KMT2B: variants seen among roughly 807,000 people sequenced by gnomAD.
KMT2B encodes the protein histone-lysine N-methyltransferase 2B.
KMT2B carries 22 observed loss-of-function variants against 255.3 expected under a neutral mutation model. The observed-to-expected ratio is 0.09, with a 90% CI of 0.06 to 0.12. KMT2B has a LOEUF of 0.12. KMT2B is among the 10% of genes least tolerant of loss of function. The pLI is 1.00. For missense variants in KMT2B, 3,149 were observed against 3,737.0 expected, an observed-to-expected ratio of 0.84 and a Z score of 4.10; for synonymous variants, 1,730 against 1,498.1, an observed-to-expected ratio of 1.15 and a Z score of -3.57.
chr19:35,733,297 C>T lies in KMT2B; in HGVS notation c.6748C>T (p.Arg2250Cys), dbSNP rs1351767688. The T allele has an allele frequency of 7.6e-6, 11 of 1,452,876 alleles. No homozygotes were observed. Among genetic ancestry groups the T allele is most frequent in the Admixed American group, 2.0e-5 (1 of 50,464 alleles). The allele number at this position is 1,452,876 out of a possible 1,614,324, so 90.0% of individuals were successfully genotyped here. A position where few individuals can be genotyped will look rare whatever the true frequency, so the allele number is the denominator to read the frequency against. The change falls in exon 28 of 37, where the codon CGC becomes TGC. Residue 2250 changes from arginine (R) to cysteine (C), a missense_variant. Arg to Cys is a radical substitution (Grantham distance 180). Transcript: ENST00000420124. This position sits in a 1 kb window ranked among gnomAD's most constrained non-coding sequence, Gnocchi z 4.3. ...LGVLPVVGVV[R>C]PAPPPPPPPL... ...CGTGCTGCCCGTGGTCGGAGTGGTC[C>T]GCCCTGCCCCGCCCCCGCCACCCCC...
In KMT2B at chr19:35,731,278, C is replaced by G. The variant is rs373239075; in HGVS notation, c.5437+411C>G. Among the ~76,000 whole-genome samples, 11 of 152,358 alleles carry G rather than the reference C, an allele frequency of 7.2e-5. 1 individual carries two copies. The highest frequency in any genetic ancestry group is 2.6e-4 in the African/African-American group (11 of 41,586). On this transcript the variant is annotated intron_variant, in intron 26 of 36. Coordinates refer to ENST00000420124, the MANE Select transcript of KMT2B (RefSeq NM_014727.3). ...TCTGCTCAGCTCCCAAACCGGCCCC[C>G]TTACAGCCACACTGGCTGTGGGATG...
chr19:35,723,167 A>T lies in KMT2B; in HGVS notation c.2895A>T (p.Arg965=), dbSNP rs1969290171. ...ACGGCAAGAAGATGCGCATGGCTCG[A>T]TGTGGACACTGTCGGGGCTGCCTAC... The part of the protein sequence containing the change: ...SHHGKKMRMA[R]CGHCRGCLRV... The change falls in exon 6 of 37, where the codon CGA becomes CGT. Residue 965 remains arginine, a synonymous_variant. Coordinates refer to ENST00000420124, the MANE Select transcript of KMT2B (RefSeq NM_014727.3). The surrounding 1 kb of genome is among the most constrained non-coding windows in gnomAD (Gnocchi z 7.5). The T allele has an allele frequency of 2.5e-6, 4 of 1,613,470 alleles. No individual in the cohort carries two copies. The highest frequency in any genetic ancestry group is 2.5e-6 in the Non-Finnish European group (3 of 1,179,874).
In KMT2B at chr19:35,725,365, A is replaced by G. The variant is rs1434896466; in HGVS notation, c.3642+32A>G. 1.2e-5 allele frequency: 18 copies of G among 1,560,470 alleles called. No homozygotes were observed. Among genetic ancestry groups the G allele is most frequent in the Non-Finnish European group, 1.5e-5 (17 of 1,152,452 alleles). On this transcript the variant is annotated intron_variant, in intron 11 of 36. Coordinates refer to ENST00000420124, the MANE Select transcript of KMT2B (RefSeq NM_014727.3). This position sits in a 1 kb window ranked among gnomAD's most constrained non-coding sequence, Gnocchi z 4.1. Reference sequence around the variant, plus strand: ...TCTCTGCCTTTCTTCACAGACCCCCAGCTCTCTGTCGGTCCTCACGGCCTG... The same window carrying G: ...TCTCTGCCTTTCTTCACAGACCCCCGGCTCTCTGTCGGTCCTCACGGCCTG...
chr19:35,722,179 A>G (rs570002164), intron 3 of KMT2B, among the ~76,000 whole-genome samples, 180 bp from the exon 4 acceptor site: 77 of 151,546 alleles, frequency 5.1e-4, no homozygotes, highest in Non-Finnish European at 4.1e-4. Flanking sequence ...TAATTTTTGT[A>G]TTTTTAGTAG....
In KMT2B at chr19:35,727,006, C is replaced by T. The variant is rs1969481085; in HGVS notation, c.4004-150C>T. On this transcript the variant is annotated intron_variant, in intron 14 of 36. Coordinates refer to ENST00000420124, the MANE Select transcript of KMT2B (RefSeq NM_014727.3). The surrounding 1 kb of genome is among the most constrained non-coding windows in gnomAD (Gnocchi z 4.2). ...CTCAAAAAAAAAAAAAAAAAAAAAG[C>T]CTCATCCTCAAGGAGCTTTTAGGGA... The T allele has an allele frequency of 6.7e-6, 3 of 450,060 alleles. No individual in the cohort carries two copies. Among genetic ancestry groups the T allele is most frequent in the Non-Finnish European group, 1.2e-5 (3 of 254,820 alleles). 27.9% of individuals were successfully genotyped at this position (450,060 alleles called of 1,614,324 possible).
At chr19:35,721,829 G>A (rs780295122) in intron 3 of KMT2B, 25 bp downstream of exon 3, 13 of 1,533,252 alleles carry the variant, frequency 8.5e-6, no homozygotes, top group African/African-American at 5.5e-5. Context: ...TGGGCCCAGC[G>A]GCACACCCAG....
In KMT2B at chr19:35,721,234, G is replaced by A. The variant is rs568211123; in HGVS notation, c.1887G>A (p.Pro629=). The change falls in exon 3 of 37, where the codon CCG becomes CCA. Residue 629 remains proline (P), a synonymous_variant. Coordinates refer to ENST00000420124, the MANE Select transcript of KMT2B (RefSeq NM_014727.3). ...PPPPPAPPPP[P]APSPPPAPAT... ...CTCCCCCAGCCCCTCCACCTCCCCC[G>A]GCCCCCTCCCCACCCCCTGCTCCTG... 0.023 allele frequency: 4,093 copies of A among 177,638 alleles called. 113 individuals are homozygous for A. In the African/African-American group the frequency reaches 0.26, roughly 11 times the overall value. The allele number at this position is 177,638 out of a possible 1,614,324, so 11.0% of individuals were successfully genotyped here. A position where few individuals can be genotyped will look rare whatever the true frequency, so the allele number is the denominator to read the frequency against.
rs1969954236 is a variant in KMT2B, at chr19:35,737,237, G to C, written c.7524G>C (p.Gly2508=). ...AGGAGCCGCCCCTGAATCCCCATGG[G>C]GCTGCTCGGGCAGAGGTCTATCTCC... ...GQEEPPLNPH[G]AARAEVYLRK... Residue 2508 remains glycine, a synonymous_variant, in exon 33 of 37, where the codon GGG becomes GGC. Transcript: ENST00000420124. This position sits in a 1 kb window ranked among gnomAD's most constrained non-coding sequence, Gnocchi z 5.3. The C allele has an allele frequency of 1.3e-6, 2 of 1,553,558 alleles. No individual in the cohort carries two copies. The highest frequency in any genetic ancestry group is 1.7e-6 in the Non-Finnish European group (2 of 1,150,056).
intron 14 of KMT2B, 131 bp downstream of exon 14, chr19:35,726,484 C>T: frequency 1.5e-6 from 1 of 672,628 alleles, no homozygotes; most frequent in Non-Finnish European, 2.7e-6. Flanking sequence ...CTCTTCAACT[C>T]AGGGAACTCT....
Position 35,720,803 on chromosome 19 carries a change from C to T in KMT2B, c.1456C>T (p.Arg486Trp), listed in dbSNP as rs758411036. 11 of 1,503,602 alleles carry T rather than the reference C, an allele frequency of 7.3e-6. No homozygotes were observed. The highest frequency in any genetic ancestry group is 2.8e-5 in the African/African-American group (2 of 71,764). The allele number at this position is 1,503,602 out of a possible 1,614,324, so 93.1% of individuals were successfully genotyped here. ...CCAGCGGGCGGAGCGGGAAGCTGCT[C>T]GGGCAGGGCCAGAGGGCACCTCTCC... ...PSQRAEREAA[R>W]AGPEGTSPPT... The change falls in exon 3 of 37, where the codon CGG becomes TGG. Residue 486 changes from arginine (R) to tryptophan (W), a missense_variant. Arg to Trp is a moderately radical substitution (Grantham distance 101). Around this residue, in one of 18 missense-constraint regions of KMT2B, gnomAD observed 1,188 missense variants for 1,106.4 expected, o/e 1.07. Transcript: ENST00000420124.
At chr19:35,724,440 G>C (rs1004086282) in intron 8 of KMT2B, among the ~76,000 whole-genome samples, 197 bp from the exon 9 acceptor site, 3 of 152,216 alleles carry the variant, frequency 2.0e-5, no homozygotes, top group African/African-American at 7.2e-5. Context: ...CAAGGCTGCG[G>C]TGGGCTATGG....
At chr19:35,721,896 C>T in intron 3 of KMT2B, 92 bp downstream of exon 3, 1 of 1,434,600 alleles carries the variant, frequency 7.0e-7, no homozygotes. Context: ...GGACACTTTC[C>T]AGCATTGCGG....
At chr19:35,734,328 C>G (rs906432410) in intron 30 of KMT2B, among the ~76,000 whole-genome samples, 1 of 152,110 alleles carries the variant, frequency 6.6e-6, no homozygotes, top group African/African-American at 2.4e-5. Flanking sequence ...ACTGCCAGGC[C>G]TGTGGAGTCT....
At chr19:35,724,527 G>A (rs574256393) in intron 8 of KMT2B, 110 bp from the exon 9 acceptor site, 65 of 865,700 alleles carry the variant, frequency 7.5e-5, no homozygotes, top group African/African-American at 1.5e-4. Context: ...TCGTCCTGGC[G>A]GGTCTTGGTT....
Position 35,730,594 on chromosome 19 carries a change from C to T in KMT2B, c.5254C>T (p.Arg1752Trp), listed in dbSNP as rs569438878. The T allele has an allele frequency of 3.1e-6, 5 of 1,613,894 alleles. No homozygotes were observed. The highest frequency in any genetic ancestry group is 1.3e-5 in the African/African-American group (1 of 74,932). ...GTCTGATCTCTCGGACTGCGAGGGA[C>T]GGCTCTTCCCCATTGGCTACCAGTG... ...TLSDLSDCEG[R>W]LFPIGYQCSR... The change falls in exon 25 of 37, where the codon CGG becomes TGG. Residue 1752 changes from arginine (R) to tryptophan (W), a missense_variant. By Grantham distance (101) the Arg-to-Trp change is moderately radical (BLOSUM62 -3). This residue lies in a region of KMT2B where 58 missense variants were observed against 96.9 expected (regional missense o/e 0.60). Coordinates refer to ENST00000420124, the MANE Select transcript of KMT2B (RefSeq NM_014727.3).
intron 23 of KMT2B, 57 bp from the exon 24 acceptor site, chr19:35,730,285 C>T: frequency 6.2e-7 from 1 of 1,605,206 alleles, no homozygotes; most frequent in Non-Finnish European, 8.5e-7. Flanking sequence ...TCAGACTTCC[C>T]TGGCATCCAC....
In KMT2B at chr19:35,730,688, G is replaced by A. The variant is rs150436811; in HGVS notation, c.5277-19G>A. The A allele has an allele frequency of 1.1e-3, 1,838 of 1,613,904 alleles. 2 individuals carry two copies. The highest frequency in any genetic ancestry group is 1.5e-3 in the Non-Finnish European group (1,726 of 1,179,880). ...ATCCCATTTCCCAAGCATCCTAACCGTCTTATCCCACATGCCAGGTGCTCC... is the reference window on the plus strand; with the variant it reads ...ATCCCATTTCCCAAGCATCCTAACCATCTTATCCCACATGCCAGGTGCTCC... On this transcript the variant is annotated intron_variant, in intron 25 of 36. Transcript: ENST00000420124.
In KMT2B at chr19:35,732,651, C is replaced by T. The variant is rs1363393157; in HGVS notation, c.6102C>T (p.Tyr2034=). 3 of 1,610,420 alleles carry T rather than the reference C, an allele frequency of 1.9e-6. No individual in the cohort carries two copies. Among genetic ancestry groups the T allele is most frequent in the Non-Finnish European group, 2.5e-6 (3 of 1,178,480 alleles). Reference sequence around the variant, plus strand: ...AGGAGTCCAGCCCCACCTCCCGCTACATCCACTTCCCTGTGACTGTGGTGT... The same window carrying T: ...AGGAGTCCAGCCCCACCTCCCGCTATATCCACTTCCCTGTGACTGTGGTGT... ...SEEESSPTSR[Y]IHFPVTVVSA... Residue 2034 remains tyrosine (Y), a synonymous_variant, in exon 28 of 37, where the codon TAC becomes TAT. Transcript: ENST00000420124.
At chr19:35,722,942 A>G (rs1969280032) in intron 5 of KMT2B, 53 bp from the exon 6 acceptor site, 2 of 1,482,026 alleles carry the variant, frequency 1.3e-6, no homozygotes, top group African/African-American at 1.4e-5. Context: ...GAAGTGAGGT[A>G]GAAGCCTGGT....
Sources: gnomAD v4.1 joint callset for allele counts (sites outside exome capture counted in the v4.1 genomes callset) on GRCh38, gnomAD v4.1.1 for gene constraint, gnomAD v4.1.1 regional missense constraint, Gnocchi (gnomAD v3.1) non-coding constraint, MANE v1.5 for transcripts, NCBI Gene and HGNC (gene_info 2026-07-23, HGNC 2026-07-21) for gene names.